MNDA: variants seen among roughly 807,000 people sequenced by gnomAD.
MNDA encodes myeloid cell nuclear differentiation antigen, also known as epididymis secretory sperm binding protein.
In MNDA, 43 loss-of-function variants were observed where a neutral mutation model predicts 37.8. The observed-to-expected ratio is 1.14, with a 90% CI of 0.89 to 1.47. MNDA has a LOEUF of 1.47. Among genes scored for constraint, MNDA ranks in the 40% most tolerant of loss-of-function variants. The pLI, the probability that MNDA is intolerant of heterozygous loss-of-function variation, is 0.00. For missense variants in MNDA, 536 were observed against 476.0 expected, an observed-to-expected ratio of 1.13 and a Z score of -1.17; for synonymous variants, 181 against 169.0, an observed-to-expected ratio of 1.07 and a Z score of -0.55.
chr1:158,843,165 A>C (rs1659065148), intron 2 of MNDA, 114 bp from the exon 3 acceptor site: 1 of 1,362,898 alleles, frequency 7.3e-7, no homozygotes, highest in African/African-American at 1.5e-5. Flanking sequence ...GTAACAGGCA[A>C]ATCCGAACTC....
In MNDA at chr1:158,842,361, A is replaced by G. The variant is rs1558056666; in HGVS notation, c.208A>G (p.Lys70Glu). The change falls in exon 2 of 7, where the codon AAA becomes GAA. Residue 70 changes from lysine to glutamate, a missense_variant. By Grantham distance (56) the Lys-to-Glu change is moderately conservative. Coordinates refer to ENST00000368141, the MANE Select transcript of MNDA (RefSeq NM_002432.3). ...TCTAGACAAACTAATAGAACTTGCCAAAGATATGCCATCACTTAAAAACCT... is the reference window on the plus strand; with the variant it reads ...TCTAGACAAACTAATAGAACTTGCCGAAGATATGCCATCACTTAAAAACCT... ...ACLDKLIELA[K>E]DMPSLKNLVN... 1.2e-6 allele frequency: 2 copies of G among 1,613,986 alleles called. No homozygotes were observed. The highest frequency in any genetic ancestry group is 3.3e-5 in the Admixed American group (2 of 59,932).
At position 158,831,386 on chromosome 1, in the gene MNDA, T is replaced by G. The variant is rs934534648; in HGVS notation, c.-192T>G. On this transcript the variant is annotated 5_prime_UTR_variant, in exon 1 of 7. Coordinates refer to ENST00000368141, the MANE Select transcript of MNDA (RefSeq NM_002432.3). The stretch of plus-strand genomic sequence containing the variant: ...GGCCATCTACAATCAAGATTGAGAG[T>G]GGCTCTAACAAGTGCCATTTTTCCT... 1 of 152,206 alleles carries G rather than the reference T, an allele frequency of 6.6e-6. No individual in the cohort carries two copies. Among genetic ancestry groups the G allele is most frequent in the Non-Finnish European group, 1.5e-5 (1 of 68,028 alleles). The allele number at this position is 152,206 out of a possible 1,614,324, so 9.4% of individuals were successfully genotyped here. A position where few individuals can be genotyped will look rare whatever the true frequency, so the allele number is the denominator to read the frequency against.
At chr1:158,840,554 A>C (rs780659154) in intron 1 of MNDA, among the ~76,000 whole-genome samples, 20 of 152,172 alleles carry the variant, frequency 1.3e-4, no homozygotes, top group Non-Finnish European at 2.5e-4. Flanking sequence ...CTAATTTGCA[A>C]GATGATTTTG....
chr1:158,835,042 G>T (rs535526516), intron 1 of MNDA, among the ~76,000 whole-genome samples: 2 of 152,132 alleles, frequency 1.3e-5, no homozygotes, highest in Non-Finnish European at 2.9e-5. Context: ...TTTGAAAGCA[G>T]GAAGTCTGAA....
chr1:158,844,226 T>G lies in MNDA; in HGVS notation c.570+104T>G, dbSNP rs1053100214. ...ATGCATAACTCTTCATATTACTGAT[T>G]TGCTGTGGGAAAACTGTTTTCCATA... is the stretch of plus-strand genomic sequence containing the variant. On this transcript the variant is annotated intron_variant, in intron 4 of 6. Transcript: ENST00000368141. The G allele has an allele frequency of 3.4e-6, 4 of 1,178,170 alleles. No homozygotes were observed. In the East Asian group the frequency reaches 1.0e-4, roughly 30 times the overall value. The allele number at this position is 1,178,170 out of a possible 1,614,324, so 73.0% of individuals were successfully genotyped here.
intron 1 of MNDA, among the ~76,000 whole-genome samples, chr1:158,840,510 C>T (rs1659010577): frequency 6.6e-6 from 1 of 152,070 alleles, no homozygotes. Context: ...CATAGCCAAA[C>T]CATATCAGCC....
chr1:158,835,874 A>C (rs939213098), intron 1 of MNDA, among the ~76,000 whole-genome samples: 2 of 151,866 alleles, frequency 1.3e-5, no homozygotes, highest in African/African-American at 4.8e-5. Context: ...TATTTTTTGC[A>C]TCAATTGAGA....
rs142166364 is a variant in MNDA at position 158,842,299 on chromosome 1, C to A, written c.146C>A (p.Thr49Lys). The A allele has an allele frequency of 6.8e-5, 109 of 1,614,014 alleles. No individual in the cohort carries two copies. The highest frequency in any genetic ancestry group is 9.1e-5 in the Non-Finnish European group (107 of 1,180,000). The stretch of plus-strand genomic sequence containing the variant: ...GAGGAATACAACAGAATTAAGATTA[C>A]AGATTTGATGGAAAAAAAGTTCCAA... The part of the protein sequence containing the change: ...MQEEYNRIKI[T>K]DLMEKKFQGV... The change falls in exon 2 of 7, where the codon ACA becomes AAA. Residue 49 changes from threonine to lysine, a missense_variant. Coordinates refer to ENST00000368141, the MANE Select transcript of MNDA (RefSeq NM_002432.3).
At chr1:158,845,535 C>T (rs953305598) in intron 4 of MNDA, 52 bp from the exon 5 acceptor site, 7 of 1,543,758 alleles carry the variant, frequency 4.5e-6, no homozygotes, top group African/African-American at 4.1e-5. Flanking sequence ...CCACCGCGCC[C>T]GGCCTCCTGC....
intron 1 of MNDA, among the ~76,000 whole-genome samples, chr1:158,834,325 C>G (rs1366352880): frequency 6.6e-6 from 1 of 151,252 alleles, no homozygotes; most frequent in African/African-American, 2.4e-5. Flanking sequence ...CTCCGCCTCC[C>G]GGGTTCACGC....
At chr1:158,844,151 T>C in intron 4 of MNDA, 29 bp downstream of exon 4, 1 of 1,488,876 alleles carries the variant, frequency 6.7e-7, no homozygotes, top group Non-Finnish European at 9.0e-7. Flanking sequence ...TCTTCTCCAT[T>C]TTTTTTTAAC....
chr1:158,843,046 C>T (rs891827229), intron 2 of MNDA, among the ~76,000 whole-genome samples: 5 of 152,172 alleles, frequency 3.3e-5, no homozygotes, highest in Non-Finnish European at 5.9e-5. Context: ...AGCATGTTCT[C>T]ACTGCAAAGG....
In MNDA at chr1:158,842,414, A is replaced by G; in HGVS notation, c.261A>G (p.Ser87=). Residue 87 remains serine, a synonymous_variant, in exon 2 of 7, where the codon TCA becomes TCG. Transcript: ENST00000368141. ...NLVNNLRKEK[S]KVAKKIKTQE... ...TTAACAATCTTCGAAAAGAGAAGTC[A>G]AAAGGTAATAGAGAAAACCTTGCAC... is the stretch of plus-strand genomic sequence containing the variant. 1 of 1,610,112 alleles carries G rather than the reference A, an allele frequency of 6.2e-7. No individual in the cohort carries two copies. The highest frequency in any genetic ancestry group is 8.5e-7 in the Non-Finnish European group (1 of 1,178,542).
Position 158,848,030 on chromosome 1 carries a change from G to T in MNDA, c.1176+114G>T. ...TCAGAGAGTCCAGCGAGTGGAAGGA[G>T]AACCTAAACAATGCCCTTGCATTTG... On this transcript the variant is annotated intron_variant, in intron 6 of 6. Coordinates refer to ENST00000368141, the MANE Select transcript of MNDA (RefSeq NM_002432.3). The T allele has an allele frequency of 1.1e-5, 10 of 942,932 alleles. No individual in the cohort carries two copies. In the South Asian group the frequency reaches 1.6e-4, roughly 15 times the overall value. 58.4% of individuals were successfully genotyped at this position (942,932 alleles called of 1,614,324 possible). A position where few individuals can be genotyped will look rare whatever the true frequency, so the allele number is the denominator to read the frequency against.
At chr1:158,847,956 C>T (rs1189841428) in intron 6 of MNDA, 40 bp downstream of exon 6, 1 of 1,576,464 alleles carries the variant, frequency 6.3e-7, no homozygotes, top group Non-Finnish European at 8.6e-7. Flanking sequence ...GCTAAAGAGG[C>T]AAATAATTTT....
At position 158,844,073 on chromosome 1, in the gene MNDA, C is replaced by T; in HGVS notation, c.521C>T (p.Pro174Leu). 1 of 1,613,134 alleles carries T rather than the reference C, an allele frequency of 6.2e-7. No homozygotes were observed. Among genetic ancestry groups the T allele is most frequent in the East Asian group, 2.2e-5 (1 of 44,866 alleles). The change falls in exon 4 of 7, where the codon CCA (proline) becomes CTA (leucine). Residue 174 changes from proline (P) to leucine (L), a missense_variant. By Grantham distance (98) the Pro-to-Leu change is moderately conservative. Coordinates refer to ENST00000368141, the MANE Select transcript of MNDA (RefSeq NM_002432.3). Reference sequence around the variant, plus strand: ...ACATCTGCAGCTGTGGATCATCCCCCACTACCCCAGACCTCATCATCAACT... The same window carrying T: ...ACATCTGCAGCTGTGGATCATCCCCTACTACCCCAGACCTCATCATCAACT... The part of the protein sequence containing the change: ...ASTSAAVDHP[P>L]LPQTSSSTPS...
Position 158,849,119 on chromosome 1 carries a change from A to G in MNDA, c.1177-71A>G, listed in dbSNP as rs543762289. The G allele has an allele frequency of 4.2e-6, 5 of 1,181,626 alleles. No homozygotes were observed. In the East Asian group the frequency reaches 1.3e-4, roughly 30 times the overall value. 73.2% of individuals were successfully genotyped at this position (1,181,626 alleles called of 1,614,324 possible). On this transcript the variant is annotated intron_variant, in intron 6 of 6. Coordinates refer to ENST00000368141, the MANE Select transcript of MNDA (RefSeq NM_002432.3). ...GGGAAGAAAAGATATGGCAGGTGAA[A>G]GGAGAACTATAAGCAGAGCTTCATT...
chr1:158,847,350 A>G (rs1659154405), intron 5 of MNDA, among the ~76,000 whole-genome samples: 1 of 152,218 alleles, frequency 6.6e-6, no homozygotes, highest in Admixed American at 6.5e-5. Context: ...AATTCCTCAT[A>G]ATCTACTGAA....
intron 1 of MNDA, among the ~76,000 whole-genome samples, chr1:158,835,415 C>T (rs772143305): frequency 2.0e-5 from 3 of 152,062 alleles, no homozygotes; most frequent in South Asian, 2.1e-4. Flanking sequence ...TCGTTGTTAG[C>T]GTATAAAAAC....
Sources: allele counts gnomAD v4.1 joint callset (sites outside exome capture counted in the v4.1 genomes callset), GRCh38; gene constraint gnomAD v4.1.1; transcripts MANE v1.5; gene names NCBI Gene and HGNC (gene_info 2026-07-23, HGNC 2026-07-21).